Variants in CADM1 observed in about 807,000 individuals in gnomAD.
The protein encoded by CADM1 is TSLC-1.
In CADM1, 15 loss-of-function variants were observed where a neutral mutation model predicts 53.1. That is an observed-to-expected ratio of 0.28 (90% CI 0.19 to 0.44). The LOEUF is 0.44. Among genes scored for constraint, CADM1 ranks in the 20% least tolerant of loss-of-function variants. The pLI is 1.00. For synonymous variants in CADM1, 281 were observed against 243.0 expected (o/e 1.16, Z -1.45); for missense variants, 434 against 611.3 (o/e 0.71, Z 3.06).
At chr11:115,300,031 T>C (rs1944178255) in intron 1 of CADM1, among the ~76,000 whole-genome samples, 1 of 152,148 alleles carries the variant, frequency 6.6e-6, no homozygotes, top group Non-Finnish European at 1.5e-5. Context: ...AAAACTGTGA[T>C]TTCAGATTAG....
chr11:115,343,685 A>G (rs2135251513), intron 1 of CADM1, among the ~76,000 whole-genome samples: 1 of 151,678 alleles, frequency 6.6e-6, no homozygotes, highest in Non-Finnish European at 1.5e-5. Flanking sequence ...CTTTATTTCT[A>G]TAAATAATGT....
intron 1 of CADM1, among the ~76,000 whole-genome samples, chr11:115,493,222 C>T (rs1456489440): frequency 1.3e-5 from 2 of 151,058 alleles, no homozygotes; most frequent in Non-Finnish European, 2.9e-5. Flanking sequence ...AAGGGGTTCC[C>T]ACTGGCCAAA....
chr11:115,466,853 G>A (rs980089148), intron 1 of CADM1, among the ~76,000 whole-genome samples: 3 of 152,092 alleles, frequency 2.0e-5, no homozygotes, highest in Admixed American at 6.5e-5. Flanking sequence ...CAATTGAATC[G>A]TAGGTCTCAG....
intron 1 of CADM1, among the ~76,000 whole-genome samples, chr11:115,434,238 G>T (rs1265253921): frequency 6.6e-6 from 1 of 151,988 alleles, no homozygotes; most frequent in Admixed American, 6.6e-5. Flanking sequence ...GCATATTCTG[G>T]CTTGATTAAG....
At chr11:115,359,515 T>C (rs748937860) in intron 1 of CADM1, among the ~76,000 whole-genome samples, 8 of 152,106 alleles carry the variant, frequency 5.3e-5, no homozygotes, top group Non-Finnish European at 1.0e-4. Flanking sequence ...ACAGTCATAT[T>C]AGAAACTTCC....
intron 1 of CADM1, among the ~76,000 whole-genome samples, chr11:115,440,382 C>T (rs1017849930): frequency 2.0e-5 from 3 of 152,182 alleles, no homozygotes; most frequent in African/African-American, 7.2e-5. Context: ...CCATTATTTC[C>T]CAATCTCCAG....
At chr11:115,402,253 G>T (rs1160261383) in intron 1 of CADM1, among the ~76,000 whole-genome samples, 1 of 152,120 alleles carries the variant, frequency 6.6e-6, no homozygotes, top group African/African-American at 2.4e-5. Context: ...GTCCAGGTAC[G>T]GTGGCTCACA....
rs1944048785 is a variant in CADM1 at position 115,295,540 on chromosome 11, ATATATATAT to A, written c.125-55129_125-55121del. On this transcript the variant is annotated intron_variant, in intron 1 of 11. Coordinates refer to ENST00000331581, the MANE Select transcript of CADM1 (RefSeq NM_001301043.2). ...TATATATATATATATATATATATAT[ATATATATAT>A]AATATATATGTATATGCACATATAT... Among the ~76,000 whole-genome samples the A allele has an allele frequency of 1.3e-4, 8 of 60,460 alleles. No homozygotes were observed. The South Asian group carries it at 1.6e-3, about 12-fold the overall frequency. The allele number at this position is 60,460 out of a possible 152,430, so 39.7% of individuals were successfully genotyped here. A position where few individuals can be genotyped will look rare whatever the true frequency, so the allele number is the denominator to read the frequency against.
chr11:115,377,804 T>C (rs1236931007), intron 1 of CADM1: 1 of 152,226 alleles, frequency 6.6e-6, no homozygotes, highest in Non-Finnish European at 1.5e-5. Flanking sequence ...CAAGTATCCA[T>C]GTGTCAGATG....
At chr11:115,327,718 C>T (rs925486623) in intron 1 of CADM1, among the ~76,000 whole-genome samples, 4 of 152,070 alleles carry the variant, frequency 2.6e-5, no homozygotes, top group Admixed American at 2.6e-4. Context: ...TCCTACCAGC[C>T]TCATGTGACC....
intron 1 of CADM1, among the ~76,000 whole-genome samples, chr11:115,286,094 C>T (rs1437115113): frequency 2.0e-5 from 3 of 152,080 alleles, no homozygotes. Flanking sequence ...TTCTTCAGTT[C>T]TTCTAAAAGA....
intron 1 of CADM1, among the ~76,000 whole-genome samples, chr11:115,327,610 CAA>C (rs1944993891): frequency 6.6e-6 from 1 of 151,968 alleles, no homozygotes; most frequent in Non-Finnish European, 1.5e-5. Context: ...AACCTCTACA[CAA>C]CACACCTACT....
intron 1 of CADM1, among the ~76,000 whole-genome samples, chr11:115,280,659 G>T (rs1428336305): frequency 6.6e-6 from 1 of 152,178 alleles, no homozygotes; most frequent in Non-Finnish European, 1.5e-5. Context: ...CAGGCCTCCT[G>T]CAACAGCTAC....
chr11:115,177,557 C>A (rs921474388), intron 11 of CADM1, among the ~76,000 whole-genome samples: 1 of 152,004 alleles, frequency 6.6e-6, no homozygotes, highest in East Asian at 1.9e-4. Flanking sequence ...AGAGGTCAAA[C>A]GCTTCTCAGT....
At chr11:115,282,903 T>C (rs1943626446) in intron 1 of CADM1, among the ~76,000 whole-genome samples, 1 of 152,140 alleles carries the variant, frequency 6.6e-6, no homozygotes, top group Non-Finnish European at 1.5e-5. Context: ...GGGTTTATAG[T>C]AAAATACAGT....
chr11:115,444,485 T>C (rs927699523), intron 1 of CADM1, among the ~76,000 whole-genome samples: 1 of 152,234 alleles, frequency 6.6e-6, no homozygotes, highest in Non-Finnish European at 1.5e-5. Context: ...CCACACTGAC[T>C]AAAGTGGTTC....
Position 115,238,610 on chromosome 11 carries a change from C to T in CADM1, c.314G>A (p.Ser105Asn). The change falls in exon 3 of 12, where the codon AGT (serine) becomes AAT (asparagine). Residue 105 changes from serine (S) to asparagine (N), a missense_variant. Around this residue, in one of 4 missense-constraint regions of CADM1, gnomAD observed 311 missense variants for 435.1 expected, o/e 0.71. Transcript: ENST00000331581. ...GTTTGTCAATGATACTTTGAGTTCA[C>T]TGCTAGAAAAATTCAGCAACTGAAA... Reference protein sequence around the residue: ...SRFQLLNFSSSELKVSLTNVS... With the variant: ...SRFQLLNFSSNELKVSLTNVS... The T allele has an allele frequency of 6.2e-7, 1 of 1,613,910 alleles. No homozygotes were observed. The highest frequency in any genetic ancestry group is 2.2e-5 in the East Asian group (1 of 44,854).
Position 115,504,262 on chromosome 11 carries a change from C to T in CADM1, c.124+9G>A, listed in dbSNP as rs376974064. The T allele has an allele frequency of 6.4e-7, 1 of 1,572,126 alleles. No homozygotes were observed. The highest frequency in any genetic ancestry group is 2.4e-5 in the East Asian group (1 of 42,314). On this transcript the variant is annotated intron_variant, in intron 1 of 11. Transcript: ENST00000331581. The stretch of plus-strand genomic sequence containing the variant: ...ATTTAGGGGCCAACCGGTCGGTGCC[C>T]ACACCTACCTGTGGGGATCAGTGCC...
intron 1 of CADM1, among the ~76,000 whole-genome samples, chr11:115,461,480 A>G (rs1948793482): frequency 6.6e-6 from 1 of 152,178 alleles, no homozygotes; most frequent in African/African-American, 2.4e-5. Context: ...TAAGAAACTG[A>G]CCCTGAGCAA....
Sources: gnomAD v4.1 joint callset for allele counts (sites outside exome capture counted in the v4.1 genomes callset) on GRCh38, gnomAD v4.1.1 for gene constraint, gnomAD v4.1.1 regional missense constraint, MANE v1.5 for transcripts, NCBI Gene and HGNC (gene_info 2026-07-23, HGNC 2026-07-21) for gene names.